Variants in EPS15 observed in about 807,000 individuals in gnomAD.
EPS15 encodes the protein epidermal growth factor receptor substrate 15.
EPS15 carries 72 observed loss-of-function variants against 113.8 expected under a neutral mutation model. That is an observed-to-expected ratio of 0.63 (90% CI 0.52 to 0.77). The LOEUF is 0.77. Among genes scored for constraint, EPS15 ranks in the 30% least tolerant of loss-of-function variants. EPS15 has a pLI of 0.00. For missense variants in EPS15, 1,048 were observed against 1,045.8 expected (o/e 1.00, Z -0.03); for synonymous variants, 344 against 363.4 (o/e 0.95, Z 0.61).
chr1:51,406,099 T>C lies in EPS15; in HGVS notation c.1483A>G (p.Lys495Glu). Residue 495 changes from lysine (K) to glutamate (E), a missense_variant, in exon 16 of 25, where the codon AAA becomes GAA. By Grantham distance (56) the Lys-to-Glu change is moderately conservative. Transcript: ENST00000371733. Reference protein sequence around the residue: ...SQQEISSMQMKLMEMKDLENH... With the variant: ...SQQEISSMQMELMEMKDLENH... The stretch of plus-strand genomic sequence containing the variant: ...TCCAAATCTTTCATTTCCATCAGTT[T>C]CATTTGCATCTGCCAACACAAAGAA... The C allele has an allele frequency of 1.2e-6, 2 of 1,612,940 alleles. No individual in the cohort carries two copies. Among genetic ancestry groups the C allele is most frequent in the Non-Finnish European group, 1.7e-6 (2 of 1,179,584 alleles).
At chr1:51,399,751 C>T (rs1005609827) in intron 19 of EPS15, among the ~76,000 whole-genome samples, 2 of 151,914 alleles carry the variant, frequency 1.3e-5, no homozygotes, top group Non-Finnish European at 2.9e-5. Context: ...CCTGGCTATT[C>T]GGGAGGCTGA....
intron 7 of EPS15, among the ~76,000 whole-genome samples, chr1:51,461,546 A>AAT (rs1654454513): frequency 6.7e-6 from 1 of 149,980 alleles, no homozygotes. Flanking sequence ...AAAAAAAAAA[A>AAT]AGTGTACTGT....
intron 13 of EPS15, among the ~76,000 whole-genome samples, chr1:51,415,671 CTG>C (rs1180215704): frequency 6.6e-6 from 1 of 151,668 alleles, no homozygotes; most frequent in African/African-American, 2.4e-5. Context: ...TGGCGGATGC[CTG>C]TAATCCCAGC....
At chr1:51,516,321 A>C (rs368366387) in intron 1 of EPS15, among the ~76,000 whole-genome samples, 1 of 152,298 alleles carries the variant, frequency 6.6e-6, no homozygotes, top group Admixed American at 6.5e-5. Context: ...ATTGTTAACT[A>C]TTTTTGTTCA....
In EPS15 at chr1:51,451,546, G is replaced by C. The variant is rs116087616; in HGVS notation, c.562-3411C>G. ...GAAAAGAAAAAAAAAGAAATTCTAA[G>C]ATAAATAAGAAATTAAGAAAATTAG... is the stretch of plus-strand genomic sequence containing the variant. On this transcript the variant is annotated intron_variant, in intron 8 of 24. Coordinates refer to ENST00000371733, the MANE Select transcript of EPS15 (RefSeq NM_001981.3). Among the ~76,000 whole-genome samples, 1,265 of 147,270 alleles carry C rather than the reference G, an allele frequency of 8.6e-3. 48 individuals are homozygous for C. The highest frequency in any genetic ancestry group is 0.029 in the African/African-American group (1,151 of 39,754).
intron 8 of EPS15, 88 bp from the exon 9 acceptor site, chr1:51,448,223 G>T: frequency 1.4e-6 from 1 of 721,548 alleles, no homozygotes. Flanking sequence ...ATAAATCATC[G>T]TCAGGCTCTC....
In EPS15 at chr1:51,442,202, AC is replaced by A. The variant is rs1182453867; in HGVS notation, c.955-1771del. On this transcript the variant is annotated intron_variant, in intron 11 of 24. Transcript: ENST00000371733. ...TCACTAGTATTTTAACTCTATCTAA[AC>A]TTGACCTATGAGCTAGGCCTGGCCA... 1.1e-4 allele frequency among the ~76,000 whole-genome samples: 16 copies of A among 152,280 alleles called. 1 individual carries two copies. In the South Asian group the frequency reaches 3.3e-3, roughly 32 times the overall value.
At chr1:51,421,757 G>C (rs1305960997) in intron 13 of EPS15, 29 bp downstream of exon 13, 1 of 1,412,260 alleles carries the variant, frequency 7.1e-7, no homozygotes, top group South Asian at 1.5e-5. Context: ...TAAATCAGCA[G>C]TGGAACACTA....
At chr1:51,411,178 T>C (rs771913830) in intron 13 of EPS15, among the ~76,000 whole-genome samples, 9 of 152,230 alleles carry the variant, frequency 5.9e-5, no homozygotes, top group African/African-American at 9.6e-5. Context: ...CTTTCAATAA[T>C]TGCTTTTTAT....
intron 13 of EPS15, among the ~76,000 whole-genome samples, chr1:51,412,058 G>C (rs1260828631): frequency 6.6e-6 from 1 of 152,148 alleles, no homozygotes; most frequent in African/African-American, 2.4e-5. Context: ...TCCTTTGCAG[G>C]GACATGGATG....
chr1:51,359,981 C>A (rs1646344069), intron 24 of EPS15, among the ~76,000 whole-genome samples: 1 of 151,870 alleles, frequency 6.6e-6, no homozygotes, highest in Non-Finnish European at 1.5e-5. Flanking sequence ...CAGCTCACTG[C>A]AACCTCCACC....
At chr1:51,440,277 CTGTG>C (rs3040220) in intron 12 of EPS15, 66 bp downstream of exon 12, 65,558 of 441,092 alleles carry the variant, frequency 0.15, 2,468 homozygotes, top group African/African-American at 0.18. Flanking sequence ...TATACATGTA[CTGTG>C]TGTGTGTGTG....
intron 1 of EPS15, among the ~76,000 whole-genome samples, chr1:51,514,326 T>C (rs1351779146): frequency 6.6e-6 from 1 of 152,150 alleles, no homozygotes; most frequent in Non-Finnish European, 1.5e-5. Flanking sequence ...ACCAGATCTC[T>C]CTCAGGCCAT....
At chr1:51,480,672 C>T (rs545100297) in intron 2 of EPS15, among the ~76,000 whole-genome samples, 54 of 152,274 alleles carry the variant, frequency 3.5e-4, no homozygotes, top group Non-Finnish European at 1.5e-4. Flanking sequence ...CACCACCAAA[C>T]CCAGCTAATT....
chr1:51,416,052 T>C (rs899088217), intron 13 of EPS15, among the ~76,000 whole-genome samples: 1 of 152,120 alleles, frequency 6.6e-6, no homozygotes, highest in African/African-American at 2.4e-5. Flanking sequence ...AGATTGCTTA[T>C]CCTGAGACTA....
At chr1:51,452,363 G>C (rs1653647063) in intron 8 of EPS15, among the ~76,000 whole-genome samples, 1 of 152,088 alleles carries the variant, frequency 6.6e-6, no homozygotes, top group Admixed American at 6.5e-5. Context: ...GCTTGCTGCA[G>C]CCTCAACCTC....
At chr1:51,493,143 T>C (rs1372096206) in intron 1 of EPS15, among the ~76,000 whole-genome samples, 3 of 152,100 alleles carry the variant, frequency 2.0e-5, no homozygotes, top group East Asian at 1.9e-4. Flanking sequence ...GGGCGAATCA[T>C]GAGGTCAGGA....
At chr1:51,361,428 G>C in intron 23 of EPS15, 73 bp from the exon 24 acceptor site, 3 of 1,171,912 alleles carry the variant, frequency 2.6e-6, no homozygotes, top group South Asian at 1.4e-5. Context: ...CATGTACACA[G>C]ATAGCATTAA....
At chr1:51,460,523 T>C (rs1372205461) in intron 8 of EPS15, among the ~76,000 whole-genome samples, 1 of 152,230 alleles carries the variant, frequency 6.6e-6, no homozygotes, top group Non-Finnish European at 1.5e-5. Flanking sequence ...CAGGTTGTGA[T>C]ACAAAAGATA....
Sources: allele counts gnomAD v4.1 joint callset (sites outside exome capture counted in the v4.1 genomes callset), GRCh38; gene constraint gnomAD v4.1.1; transcripts MANE v1.5; gene names NCBI Gene and HGNC (gene_info 2026-07-23, HGNC 2026-07-21).